SPAG16: variants seen among roughly 807,000 people sequenced by gnomAD.
SPAG16 encodes the protein sperm associated antigen 16.
Under a neutral mutation model 80.4 loss-of-function variants are expected in SPAG16, and 86 were observed. That is an observed-to-expected ratio of 1.07 (90% CI 0.90 to 1.28). The LOEUF is 1.28. Among genes scored for constraint, SPAG16 ranks in the 50% most tolerant of loss-of-function variants. The probability of loss-of-function intolerance (pLI) is 0.00; values close to 1 mark genes in which losing one functional copy is unlikely to be tolerated. For missense variants in SPAG16, 870 were observed against 765.3 expected (o/e 1.14, Z -1.61); for synonymous variants, 294 against 265.9 (o/e 1.11, Z -1.03).
At chr2:213,618,060 C>T (rs140694048) in intron 10 of SPAG16, among the ~76,000 whole-genome samples, 2 of 152,202 alleles carry the variant, frequency 1.3e-5, no homozygotes, top group Admixed American at 6.5e-5. Context: ...TTTGTGAAAA[C>T]GTAGCAGAGA....
At chr2:214,017,833 T>C (rs750135284) in intron 13 of SPAG16, among the ~76,000 whole-genome samples, 1 of 152,192 alleles carries the variant, frequency 6.6e-6, no homozygotes, top group Non-Finnish European at 1.5e-5. Flanking sequence ...CAAATTAAAA[T>C]GTATATCACT....
In SPAG16 at chr2:213,310,115, T is replaced by C. The variant is rs770195023; in HGVS notation, c.336T>C (p.Phe112=). The C allele has an allele frequency of 6.2e-7, 1 of 1,612,238 alleles. No individual in the cohort carries two copies. The highest frequency in any genetic ancestry group is 8.5e-7 in the Non-Finnish European group (1 of 1,178,852). Residue 112 remains phenylalanine, a synonymous_variant, in exon 4 of 16, where the codon TTT becomes TTC. Transcript: ENST00000331683. ...KHAVPEVIED[F]LCNFLIKMGM... is the part of the protein sequence containing the mutation. ...CAGTACCTGAAGTAATAGAAGACTT[T>C]CTCTGCAATTTCTTGATCAAAATGG... is the stretch of plus-strand genomic sequence containing the variant.
intron 15 of SPAG16, among the ~76,000 whole-genome samples, chr2:214,193,650 G>A (rs2057740132): frequency 6.6e-6 from 1 of 151,914 alleles, no homozygotes; most frequent in Non-Finnish European, 1.5e-5. Flanking sequence ...GAGGATTATT[G>A]TGAAAAAAAT....
intron 10 of SPAG16, among the ~76,000 whole-genome samples, chr2:213,736,587 CAACTG>C (rs1254787650): frequency 6.6e-6 from 1 of 151,966 alleles, no homozygotes; most frequent in Non-Finnish European, 1.5e-5. Flanking sequence ...AATAAGATGA[CAACTG>C]AAGTGTGTTT....
intron 13 of SPAG16, among the ~76,000 whole-genome samples, chr2:214,041,530 A>ATT (rs150120684): frequency 1.3e-5 from 2 of 149,126 alleles, no homozygotes; most frequent in African/African-American, 4.9e-5. Flanking sequence ...TACAAAGTGC[A>ATT]TTTTTTTTTA....
intron 9 of SPAG16, among the ~76,000 whole-genome samples, chr2:213,451,886 AG>A (rs1453499957): frequency 6.6e-6 from 1 of 152,062 alleles, no homozygotes; most frequent in East Asian, 1.9e-4. Flanking sequence ...TGCCTGTTCC[AG>A]GCACTTTCTT....
chr2:213,762,589 T>G (rs1291828915), intron 10 of SPAG16, among the ~76,000 whole-genome samples: 1 of 152,156 alleles, frequency 6.6e-6, no homozygotes, highest in African/African-American at 2.4e-5. Context: ...GTTACCCTCA[T>G]GTAAAAGAAT....
chr2:214,075,144 T>A (rs2051007121), intron 13 of SPAG16, among the ~76,000 whole-genome samples: 1 of 152,126 alleles, frequency 6.6e-6, no homozygotes, highest in Admixed American at 6.5e-5. Context: ...CTAGCTTTTT[T>A]TTTTCAGGTA....
At chr2:213,631,701 C>T (rs977033460) in intron 10 of SPAG16, among the ~76,000 whole-genome samples, 10 of 152,090 alleles carry the variant, frequency 6.6e-5, no homozygotes, top group Admixed American at 1.3e-4. Context: ...CTTCTGCTTA[C>T]GGATATCTGG....
At position 213,291,585 on chromosome 2, in the gene SPAG16, C is replaced by G. The variant is rs553488979; in HGVS notation, c.137-4479C>G. Among the ~76,000 whole-genome samples the G allele has an allele frequency of 2.0e-5, 3 of 152,070 alleles. No homozygotes were observed. In the East Asian group the frequency reaches 5.8e-4, roughly 29 times the overall value. ...TTCTACTTCTCTTTCCTCTGGGGGT[C>G]TTCAAATTGAGCTATTTATGTGATT... On this transcript the variant is annotated intron_variant, in intron 1 of 15. Transcript: ENST00000331683.
At chr2:213,817,910 C>A (rs552658894) in intron 10 of SPAG16, among the ~76,000 whole-genome samples, 1 of 152,222 alleles carries the variant, frequency 6.6e-6, no homozygotes, top group South Asian at 2.1e-4. Flanking sequence ...TACCCTGATC[C>A]TCAGCATCAC....
chr2:214,253,753 G>C (rs1690474425), intron 15 of SPAG16, among the ~76,000 whole-genome samples: 1 of 152,084 alleles, frequency 6.6e-6, no homozygotes, highest in South Asian at 2.1e-4. Flanking sequence ...CTCCAGCTTT[G>C]TTCTTTTTGC....
At chr2:213,509,625 C>T (rs1219079233) in intron 10 of SPAG16, among the ~76,000 whole-genome samples, 3 of 151,994 alleles carry the variant, frequency 2.0e-5, no homozygotes, top group Non-Finnish European at 4.4e-5. Flanking sequence ...CCAACGAGAA[C>T]AAAGACACAA....
intron 10 of SPAG16, among the ~76,000 whole-genome samples, chr2:213,694,801 T>C (rs901960076): frequency 6.6e-6 from 1 of 151,736 alleles, no homozygotes; most frequent in East Asian, 1.9e-4. Flanking sequence ...CCTTCTACTC[T>C]CCCTTGCCTC....
In SPAG16 at chr2:213,616,988, G is replaced by A. The variant is rs185590214; in HGVS notation, c.1070+126898G>A. On this transcript the variant is annotated intron_variant, in intron 10 of 15. Transcript: ENST00000331683. ...AGCTCAGTCTGGATGGATGCTCGCCGTTTGTAGTGTCTTTGTTTGCATGCA... is the reference window on the plus strand; with the variant it reads ...AGCTCAGTCTGGATGGATGCTCGCCATTTGTAGTGTCTTTGTTTGCATGCA... Among the ~76,000 whole-genome samples, 195 of 152,228 alleles carry A rather than the reference G, an allele frequency of 1.3e-3. 1 individual carries two copies. Among genetic ancestry groups the A allele is most frequent in the Admixed American group, 4.1e-3 (62 of 15,298 alleles).
chr2:214,253,749 C>G (rs1257850159), intron 15 of SPAG16, among the ~76,000 whole-genome samples: 2 of 152,108 alleles, frequency 1.3e-5, no homozygotes, highest in Admixed American at 1.3e-4. Flanking sequence ...ATGCCTCCAG[C>G]TTTGTTCTTT....
At position 213,352,114 on chromosome 2, in the gene SPAG16, G is replaced by T. The variant is rs184054324; in HGVS notation, c.762+1469G>T. ...TCTACCATGGTTGTAAATTTCATGA[G>T]GACTCCCCAGCCATGTGGAACTTGA... On this transcript the variant is annotated intron_variant, in intron 7 of 15. Coordinates refer to ENST00000331683, the MANE Select transcript of SPAG16 (RefSeq NM_024532.5). Among the ~76,000 whole-genome samples, 1,410 of 151,106 alleles carry T rather than the reference G, an allele frequency of 9.3e-3. 10 individuals are homozygous for T. Among genetic ancestry groups the T allele is most frequent in the Non-Finnish European group, 0.012 (811 of 67,872 alleles).
intron 10 of SPAG16, among the ~76,000 whole-genome samples, chr2:213,799,175 TAACAA>T (rs1461677019): frequency 2.0e-5 from 3 of 152,182 alleles, no homozygotes; most frequent in Non-Finnish European, 4.4e-5. Flanking sequence ...ATTGCCATCT[TAACAA>T]TATTAAGTCT....
chr2:214,196,088 A>G (rs1455620168), intron 15 of SPAG16, among the ~76,000 whole-genome samples: 1 of 152,020 alleles, frequency 6.6e-6, no homozygotes, highest in African/African-American at 2.4e-5. Flanking sequence ...CAGGCCCTTA[A>G]AGAAATATTT....
Sources: allele counts gnomAD v4.1 joint callset (sites outside exome capture counted in the v4.1 genomes callset), GRCh38; gene constraint gnomAD v4.1.1; transcripts MANE v1.5; gene names NCBI Gene and HGNC (gene_info 2026-07-23, HGNC 2026-07-21).